PSG6: variants seen among roughly 807,000 people sequenced by gnomAD.
The protein encoded by PSG6 is pregnancy-specific beta-1-glycoprotein 6.
In PSG6, 51 loss-of-function variants were observed where a neutral mutation model predicts 43.3. That is an observed-to-expected ratio of 1.18 (90% CI 0.94 to 1.49). The LOEUF (loss-of-function observed/expected upper bound fraction) is 1.49. Among genes scored for constraint, PSG6 ranks in the 40% most tolerant of loss-of-function variants. The pLI, the probability that PSG6 is intolerant of heterozygous loss-of-function variation, is 0.00. For missense variants in PSG6, 770 were observed against 522.2 expected, an observed-to-expected ratio of 1.47 and a Z score of -4.62; for synonymous variants, 292 against 197.6, an observed-to-expected ratio of 1.48 and a Z score of -4.01.
chr19:42,903,965 T>G (rs1039821277), intron 5 of PSG6, among the ~76,000 whole-genome samples: 4 of 151,552 alleles, frequency 2.6e-5, no homozygotes, highest in Admixed American at 6.6e-5. Flanking sequence ...AAATAATGAT[T>G]ATGAAAGTAC....
At chr19:42,914,866 C>T (rs1972295440) in intron 2 of PSG6, among the ~76,000 whole-genome samples, 1 of 125,344 alleles carries the variant, frequency 8.0e-6, no homozygotes, top group Admixed American at 7.9e-5. Context: ...GTGACATGGA[C>T]ACTTGGGAAA....
At position 42,910,851 on chromosome 19, in the gene PSG6, A is replaced by G. The variant is rs751470046; in HGVS notation, c.435T>C (p.Thr145=). The G allele has an allele frequency of 4.4e-6, 7 of 1,608,806 alleles. No homozygotes were observed. The African/African-American group carries it at 8.0e-5, about 18-fold the overall frequency. Residue 145 remains threonine, a synonymous_variant, in exon 3 of 6, where the codon ACT becomes ACC. Transcript: ENST00000187910. ...GYFTVTLYSE[T]PKPSISSSNL... ...TGCTGCTGGAGATGGAGGGCTTGGG[A>G]GTCTCCGCTGTGCAGAAAACAGAGA...
At chr19:42,905,167 A>G (rs1181202178) in intron 5 of PSG6, among the ~76,000 whole-genome samples, 2 of 151,740 alleles carry the variant, frequency 1.3e-5, no homozygotes, top group East Asian at 1.9e-4. Context: ...AGTAAAAACT[A>G]TACAACTCTT....
chr19:42,909,166 A>G (rs1213341761), intron 3 of PSG6, among the ~76,000 whole-genome samples: 1 of 151,718 alleles, frequency 6.6e-6, no homozygotes, highest in African/African-American at 2.4e-5. Flanking sequence ...TCAGATTAGT[A>G]GGCAAAAGTG....
In PSG6 at chr19:42,913,883, C is replaced by T. The variant is rs1358595115; in HGVS notation, c.427+2242G>A. Reference sequence around the variant, plus strand: ...CAATCAGCAGTACTCATTTTTTAGTCCTGTGCCCCTGAAACTATCCTTGAA... The same window carrying T: ...CAATCAGCAGTACTCATTTTTTAGTTCTGTGCCCCTGAAACTATCCTTGAA... On this transcript the variant is annotated intron_variant, in intron 2 of 5. Transcript: ENST00000187910. Among the ~76,000 whole-genome samples the T allele has an allele frequency of 3.3e-5, 5 of 151,466 alleles. 1 individual carries two copies. The highest frequency in any genetic ancestry group is 1.2e-4 in the African/African-American group (5 of 41,216).
intron 2 of PSG6, 75 bp downstream of exon 2, chr19:42,916,050 C>G: frequency 1.9e-6 from 3 of 1,595,770 alleles, no homozygotes; most frequent in Non-Finnish European, 1.7e-6. Flanking sequence ...AGAGTCCAGG[C>G]CTGACAATTC....
chr19:42,908,019 A>G lies in PSG6; in HGVS notation c.707-165T>C. ...GATGTATGATGATCTAAGGGCTCAA[A>G]GACTGTGAGGCCTCCTGCTCTGTCT... On this transcript the variant is annotated intron_variant, in intron 3 of 5. Coordinates refer to ENST00000187910, the MANE Select transcript of PSG6 (RefSeq NM_001031850.4). 2 of 1,150,170 alleles carry G rather than the reference A, an allele frequency of 1.7e-6. 1 individual carries two copies. Among genetic ancestry groups the G allele is most frequent in the Admixed American group, 4.9e-5 (2 of 40,482 alleles). 71.2% of individuals were successfully genotyped at this position (1,150,170 alleles called of 1,614,324 possible).
chr19:42,910,763 C>T lies in PSG6; in HGVS notation c.523G>A (p.Ala175Thr). The change falls in exon 3 of 6, where the codon GCA becomes ACA. Residue 175 changes from alanine (A) to threonine (T), a missense_variant. By Grantham distance (58) the Ala-to-Thr change is moderately conservative (BLOSUM62 0). Transcript: ENST00000187910. ...RLICDPETPD[A>T]SYLWLLNGQN... ...CCATTCAGCAACCACAGGTAGCTTGCATCCGGAGTCTCAGGATCACAGATT... is the reference window on the plus strand; with the variant it reads ...CCATTCAGCAACCACAGGTAGCTTGTATCCGGAGTCTCAGGATCACAGATT... 6.2e-7 allele frequency: 1 copy of T among 1,612,384 alleles called. No homozygotes were observed. The highest frequency in any genetic ancestry group is 1.1e-5 in the South Asian group (1 of 90,610).
intron 3 of PSG6, 85 bp from the exon 4 acceptor site, chr19:42,907,939 T>C: frequency 1.9e-6 from 3 of 1,552,016 alleles, no homozygotes; most frequent in Non-Finnish European, 2.6e-6. Context: ...ATCTCCCACC[T>C]GTCAACCCAC....
chr19:42,904,472 C>T (rs141218078), intron 5 of PSG6, among the ~76,000 whole-genome samples: 3,623 of 151,566 alleles, frequency 0.024, 212 homozygotes, highest in African/African-American at 0.083. Flanking sequence ...ATTCAAACAT[C>T]AGTTGTATTT....
In PSG6 at chr19:42,908,059, C is replaced by T. The variant is rs893783282; in HGVS notation, c.707-205G>A. 1.9e-5 allele frequency: 17 copies of T among 888,396 alleles called. 1 individual carries two copies. The highest frequency in any genetic ancestry group is 2.7e-5 in the Non-Finnish European group (16 of 603,514). 55.0% of individuals were successfully genotyped at this position (888,396 alleles called of 1,614,324 possible). A position where few individuals can be genotyped will look rare whatever the true frequency, so the allele number is the denominator to read the frequency against. On this transcript the variant is annotated intron_variant, in intron 3 of 5. Transcript: ENST00000187910. ...CTGCTCTGTCTTAGGGAAGCACAGA[C>T]TTTCTCAAGTGTCAATTGAGCAGCA...
chr19:42,916,035 C>T (rs1306720078), intron 2 of PSG6, 90 bp downstream of exon 2: 3 of 1,583,628 alleles, frequency 1.9e-6, no homozygotes, highest in Non-Finnish European at 2.6e-6. Context: ...GAGAGTGACA[C>T]AGGCAGAGTC....
chr19:42,903,102 A>C (rs1156342630), intron 5 of PSG6, among the ~76,000 whole-genome samples: 1 of 151,624 alleles, frequency 6.6e-6, no homozygotes, highest in African/African-American at 2.4e-5. Flanking sequence ...GGCTAGTGAC[A>C]GGTGGATCTG....
At chr19:42,914,005 T>A (rs1279475033) in intron 2 of PSG6, among the ~76,000 whole-genome samples, 1 of 151,738 alleles carries the variant, frequency 6.6e-6, no homozygotes, top group Non-Finnish European at 1.5e-5. Context: ...AATCTTTCTT[T>A]ACTGCAAACC....
At chr19:42,908,770 G>T (rs1316377823) in intron 3 of PSG6, among the ~76,000 whole-genome samples, 2 of 151,700 alleles carry the variant, frequency 1.3e-5, no homozygotes, top group African/African-American at 4.8e-5. Flanking sequence ...TTGGAGAGAA[G>T]TTTTGCAAAT....
chr19:42,917,808 T>C lies in PSG6; in HGVS notation c.-16A>G, dbSNP rs766852878. On this transcript the variant is annotated 5_prime_UTR_variant, in exon 1 of 6. Transcript: ENST00000187910. The stretch of plus-strand genomic sequence containing the variant: ...GGGGTCCCATGGTCTCTGCTGTCTG[T>C]GTGTTCTCCCCTGTGGAGATGAGCC... 7.3e-5 allele frequency: 117 copies of C among 1,607,248 alleles called. 1 individual carries two copies. Among genetic ancestry groups the C allele is most frequent in the Non-Finnish European group, 8.9e-5 (105 of 1,176,324 alleles).
rs1334145942 is a variant in PSG6, at chr19:42,916,596, G to A, written c.65-109C>T. ...CTTCAATCATCAGCCTTGAAGATAT[G>A]CACACACACACATACAAACACACAC... is the stretch of plus-strand genomic sequence containing the variant. On this transcript the variant is annotated intron_variant, in intron 1 of 5. Transcript: ENST00000187910. 74 of 1,409,216 alleles carry A rather than the reference G, an allele frequency of 5.3e-5. 3 individuals carry two copies. Among genetic ancestry groups the A allele is most frequent in the Non-Finnish European group, 6.8e-5 (70 of 1,034,584 alleles). 87.3% of individuals were successfully genotyped at this position (1,409,216 alleles called of 1,614,324 possible). A position where few individuals can be genotyped will look rare whatever the true frequency, so the allele number is the denominator to read the frequency against.
At chr19:42,910,434 T>A (rs1193173127) in intron 3 of PSG6, 146 bp downstream of exon 3, 1 of 1,592,898 alleles carries the variant, frequency 6.3e-7, no homozygotes, top group African/African-American at 1.3e-5. Context: ...TACTCTGGTT[T>A]GCCTGGAGCA....
chr19:42,908,075 T>C (rs1425246550), intron 3 of PSG6: 4 of 812,170 alleles, frequency 4.9e-6, no homozygotes, highest in Non-Finnish European at 7.4e-6. Flanking sequence ...CAAGTGTCAA[T>C]TGAGCAGCAG....
Sources: allele counts gnomAD v4.1 joint callset (sites outside exome capture counted in the v4.1 genomes callset), GRCh38; gene constraint gnomAD v4.1.1; transcripts MANE v1.5; gene names NCBI Gene and HGNC (gene_info 2026-07-23, HGNC 2026-07-21).